PRMT7: variants seen among roughly 807,000 people sequenced by gnomAD.
PRMT7 encodes protein arginine methyltransferase 7.
In PRMT7, 75 loss-of-function variants were observed where a neutral mutation model predicts 85.4. The observed-to-expected ratio is 0.88, with a 90% CI of 0.73 to 1.06. The LOEUF is 1.06. PRMT7 is among the 50% of genes least tolerant of loss of function. The pLI is 0.00. For missense variants in PRMT7, 868 were observed against 915.2 expected, an observed-to-expected ratio of 0.95 and a Z score of 0.67; for synonymous variants, 397 against 359.5, an observed-to-expected ratio of 1.10 and a Z score of -1.18.
intron 9 of PRMT7, among the ~76,000 whole-genome samples, chr16:68,344,654 G>A (rs1111574): frequency 0.61 from 92,937 of 151,836 alleles, 28,628 homozygotes; most frequent in East Asian, 0.78. Flanking sequence ...TGTGGGGTTT[G>A]TAGTAAGGAC....
chr16:68,341,121 A>T (rs1297527430), intron 9 of PRMT7, among the ~76,000 whole-genome samples: 1 of 152,178 alleles, frequency 6.6e-6, no homozygotes, highest in Non-Finnish European at 1.5e-5. Flanking sequence ...GAAAGGAAAC[A>T]TATTTTTTAC....
chr16:68,330,577 A>G (rs1259806005), intron 6 of PRMT7, among the ~76,000 whole-genome samples: 1 of 151,924 alleles, frequency 6.6e-6, no homozygotes, highest in Non-Finnish European at 1.5e-5. Context: ...AACATGTACA[A>G]AAGAAGTGGG....
intron 3 of PRMT7, among the ~76,000 whole-genome samples, chr16:68,320,931 C>A (rs147235053): frequency 6.6e-6 from 1 of 152,172 alleles, no homozygotes; most frequent in Admixed American, 6.5e-5. Flanking sequence ...ATAGCCACTG[C>A]ACTACAGCCT....
At chr16:68,349,441 C>T (rs1397596880) in intron 14 of PRMT7, among the ~76,000 whole-genome samples, 3 of 152,162 alleles carry the variant, frequency 2.0e-5, no homozygotes, top group South Asian at 2.1e-4. Context: ...ACTCACCCAA[C>T]GCGGAGCTAT....
intron 6 of PRMT7, among the ~76,000 whole-genome samples, chr16:68,336,931 T>C (rs773674468): frequency 6.6e-6 from 1 of 152,242 alleles, no homozygotes; most frequent in Non-Finnish European, 1.5e-5. Context: ...TTTTGTATTT[T>C]TAGTAGAGAT....
intron 9 of PRMT7, among the ~76,000 whole-genome samples, chr16:68,342,753 A>C (rs1217211551): frequency 6.6e-6 from 1 of 152,200 alleles, no homozygotes; most frequent in Non-Finnish European, 1.5e-5. Context: ...TCCACCTTCC[A>C]GGTGCCTGGC....
intron 9 of PRMT7, among the ~76,000 whole-genome samples, chr16:68,341,530 C>G (rs1320138761): frequency 6.6e-6 from 1 of 152,180 alleles, no homozygotes; most frequent in Non-Finnish European, 1.5e-5. Flanking sequence ...CTGCCTCAGC[C>G]CCCTGAGTAG....
At chr16:68,328,027 T>C (rs982853952) in intron 5 of PRMT7, 2 of 185,828 alleles carry the variant, frequency 1.1e-5, no homozygotes, top group Admixed American at 1.2e-4. Flanking sequence ...AATTGTTCTA[T>C]TTTTAGTTAT....
At chr16:68,348,745 C>T (rs1301890359) in intron 14 of PRMT7, among the ~76,000 whole-genome samples, 7 of 149,664 alleles carry the variant, frequency 4.7e-5, no homozygotes, top group East Asian at 2.0e-4. Context: ...CAGCCTCAAG[C>T]GATCCTCCCA....
chr16:68,314,645 A>G (rs1295453890), intron 2 of PRMT7, among the ~76,000 whole-genome samples: 1 of 152,252 alleles, frequency 6.6e-6, no homozygotes, highest in African/African-American at 2.4e-5. Context: ...TATGTGGAGT[A>G]GGCATTCTTT....
In PRMT7 at chr16:68,311,035, G is replaced by A. The variant is rs1416241197; in HGVS notation, c.-283G>A. On this transcript the variant is annotated 5_prime_UTR_variant, in exon 1 of 19. Coordinates refer to ENST00000441236, the MANE Select transcript of PRMT7 (RefSeq NM_019023.5). ...ACGCTCCTCGACGCTGCGAGGTCCCGCCCCGCGTGCTGGCCGCGGTAAAAG... is the reference window on the plus strand; with the variant it reads ...ACGCTCCTCGACGCTGCGAGGTCCCACCCCGCGTGCTGGCCGCGGTAAAAG... The A allele has an allele frequency of 2.0e-6, 2 of 1,022,824 alleles. No individual in the cohort carries two copies. The highest frequency in any genetic ancestry group is 2.9e-6 in the Non-Finnish European group (2 of 679,458). 63.4% of individuals were successfully genotyped at this position (1,022,824 alleles called of 1,614,324 possible). A position where few individuals can be genotyped will look rare whatever the true frequency, so the allele number is the denominator to read the frequency against.
chr16:68,359,580 T>G (rs1236544705), downstream of PRMT7: 1 of 152,624 alleles, frequency 6.6e-6, no homozygotes, highest in Non-Finnish European at 1.5e-5. Flanking sequence ...GCTCAATGGG[T>G]GACAAGGCAC....
At chr16:68,313,380 T>C (rs1003868031) in intron 2 of PRMT7, among the ~76,000 whole-genome samples, 1 of 152,214 alleles carries the variant, frequency 6.6e-6, no homozygotes, top group Non-Finnish European at 1.5e-5. Context: ...TGATTCCACA[T>C]GGACCACAGG....
chr16:68,318,477 G>A (rs923577867), intron 3 of PRMT7, among the ~76,000 whole-genome samples: 1 of 152,168 alleles, frequency 6.6e-6, no homozygotes, highest in Non-Finnish European at 1.5e-5. Context: ...GGGATTACAG[G>A]CGTGAGCCAC....
At position 68,352,235 on chromosome 16, in the gene PRMT7, G is replaced by A. The variant is rs756079908; in HGVS notation, c.1414-13G>A. 8.1e-6 allele frequency: 13 copies of A among 1,611,542 alleles called. No individual in the cohort carries two copies. Among genetic ancestry groups the A allele is most frequent in the Middle Eastern group, 1.7e-4 (1 of 5,934 alleles). ...TACTGACACCTGGGCCCTGCTTCTC[G>A]CCCATTCACCAGGTCTCTCTCCTCC... On this transcript the variant is annotated splice_polypyrimidine_tract_variant and intron_variant, in intron 14 of 18. Coordinates refer to ENST00000441236, the MANE Select transcript of PRMT7 (RefSeq NM_019023.5).
At chr16:68,356,270 C>T (rs1027268670) in intron 17 of PRMT7, among the ~76,000 whole-genome samples, 20 of 152,228 alleles carry the variant, frequency 1.3e-4, no homozygotes, top group East Asian at 1.9e-4. Flanking sequence ...TGTCCTGCTC[C>T]GGCCCTCACC....
chr16:68,329,080 G>C lies in PRMT7; in HGVS notation c.297G>C (p.Met99Ile), dbSNP rs774040260. The C allele has an allele frequency of 3.7e-6, 6 of 1,609,880 alleles. No individual in the cohort carries two copies. The South Asian group carries it at 6.6e-5, about 18-fold the overall frequency. Residue 99 changes from methionine to isoleucine, a missense_variant, in exon 6 of 19, where the codon ATG (methionine) becomes ATC (isoleucine). Coordinates refer to ENST00000441236, the MANE Select transcript of PRMT7 (RefSeq NM_019023.5). ...FCYAIEVFKP[M>I]ADAAVKIVEK... ...CTATTTTCTAGGTTTTCAAGCCTAT[G>C]GCTGATGCTGCTGTGAAGATTGTGG...
intron 6 of PRMT7, among the ~76,000 whole-genome samples, chr16:68,330,816 A>G (rs1255814176): frequency 6.6e-6 from 1 of 152,066 alleles, no homozygotes; most frequent in Non-Finnish European, 1.5e-5. Context: ...GCTAGTCCCG[A>G]ACTCCTGACC....
rs1049580411 is a variant in PRMT7 at position 68,347,093 on chromosome 16, G to T, written c.1192-118G>T. The T allele has an allele frequency of 4.6e-6, 4 of 873,104 alleles. No homozygotes were observed. In the African/African-American group the frequency reaches 6.8e-5, roughly 15 times the overall value. The allele number at this position is 873,104 out of a possible 1,614,324, so 54.1% of individuals were successfully genotyped here. ...GTGGTTACTGCATGAGGACGCAGGG[G>T]GATGGTCTGAGGTCTGGGCAAGTGG... On this transcript the variant is annotated intron_variant, in intron 11 of 18. Transcript: ENST00000441236.
Sources: gnomAD v4.1 joint callset for allele counts (sites outside exome capture counted in the v4.1 genomes callset) on GRCh38, gnomAD v4.1.1 for gene constraint, MANE v1.5 for transcripts, NCBI Gene and HGNC (gene_info 2026-07-23, HGNC 2026-07-21) for gene names.